COL4A2: variants seen among roughly 807,000 people sequenced by gnomAD.
The protein encoded by COL4A2 is collagen alpha-2(IV) chain.
In COL4A2, 99 loss-of-function variants were observed where a neutral mutation model predicts 200.2. The ratio of observed to expected loss-of-function variants is 0.49; its 90% CI spans 0.42 to 0.58. COL4A2 has a LOEUF of 0.58. COL4A2 is among the 20% of genes least tolerant of loss of function. The pLI, the probability that COL4A2 is intolerant of heterozygous loss-of-function variation, is 0.00. For synonymous variants in COL4A2, 897 were observed against 900.6 expected, an observed-to-expected ratio of 1.00 and a Z score of 0.07; for missense variants, 1,950 against 2,314.1, an observed-to-expected ratio of 0.84 and a Z score of 3.23.
Position 110,430,627 on chromosome 13 carries a change from T to C in COL4A2, c.648+20T>C, listed in dbSNP as rs1441270994. The C allele has an allele frequency of 4.3e-6, 7 of 1,614,118 alleles. No individual in the cohort carries two copies. Among genetic ancestry groups the C allele is most frequent in the Non-Finnish European group, 5.9e-6 (7 of 1,179,958 alleles). ...AGACCAGTAAGTACCTGGACACAGG[T>C]GCCCACTCTGGGACCATCGTCCGGT... On this transcript the variant is annotated intron_variant, in intron 10 of 47. Coordinates refer to ENST00000360467, the MANE Select transcript of COL4A2 (RefSeq NM_001846.4).
intron 29 of COL4A2, among the ~76,000 whole-genome samples, chr13:110,474,907 C>T (rs76309391): frequency 2.4e-4 from 13 of 54,586 alleles, no homozygotes; most frequent in East Asian, 5.6e-4. Context: ...TGCACACTCA[C>T]GATCACACAC....
Position 110,499,361 on chromosome 13 carries a change from A to C in COL4A2, c.3761-2307A>C, listed in dbSNP as rs572049757. Reference sequence around the variant, plus strand: ...CATCCTTCTTCACTGGCGGCAGGAGAGAGAAGTGCTGAGTAAAGGGTGGGG... The same window carrying C: ...CATCCTTCTTCACTGGCGGCAGGAGCGAGAAGTGCTGAGTAAAGGGTGGGG... On this transcript the variant is annotated intron_variant, in intron 40 of 47. Transcript: ENST00000360467. Among the ~76,000 whole-genome samples the C allele has an allele frequency of 2.6e-5, 4 of 152,316 alleles. No individual in the cohort carries two copies. In the East Asian group the frequency reaches 7.7e-4, roughly 29 times the overall value.
At chr13:110,495,615 G>T in intron 40 of COL4A2, 148 bp downstream of exon 40, 1 of 1,030,878 alleles carries the variant, frequency 9.7e-7, no homozygotes, top group South Asian at 1.7e-5. Flanking sequence ...CCTGTTGCAG[G>T]ACCTCTCAGC....
chr13:110,387,368 G>A (rs1878796747), intron 4 of COL4A2, among the ~76,000 whole-genome samples: 1 of 152,272 alleles, frequency 6.6e-6, no homozygotes, highest in Admixed American at 6.5e-5. Flanking sequence ...GCTGCTGGAG[G>A]CCTTGAGAAT....
rs747313370 is a variant in COL4A2 at position 110,512,163 on chromosome 13, G to T, written c.5111G>T (p.Arg1704Leu). The T allele has an allele frequency of 1.2e-6, 2 of 1,612,920 alleles. No homozygotes were observed. Among genetic ancestry groups the T allele is most frequent in the Non-Finnish European group, 1.7e-6 (2 of 1,179,810 alleles). Residue 1704 changes from arginine to leucine, a missense_variant, in exon 48 of 48, where the codon CGC becomes CTC. Coordinates refer to ENST00000360467, the MANE Select transcript of COL4A2 (RefSeq NM_001846.4). The part of the protein sequence containing the change: ...KAGLIRTHIS[R>L]CQVCMKNL ...GGCCTCATCCGCACACACATCAGCC[G>T]CTGCCAGGTGTGCATGAAGAACCTG...
chr13:110,498,798 G>C (rs1443132732), intron 40 of COL4A2, among the ~76,000 whole-genome samples: 1 of 152,192 alleles, frequency 6.6e-6, no homozygotes, highest in Admixed American at 6.5e-5. Flanking sequence ...CATTTGATCT[G>C]TGTGGGACCC....
chr13:110,473,021 C>G lies in COL4A2; in HGVS notation c.2296C>G (p.Pro766Ala). 6.6e-7 allele frequency: 1 copy of G among 1,515,650 alleles called. No individual in the cohort carries two copies. 93.9% of individuals were successfully genotyped at this position (1,515,650 alleles called of 1,614,324 possible). ...CATCGGCCTGCCAGGGCCAGATGGG[C>G]CCCCTGGGGAAAGGGGCCTCCCTGG... ...GPIGLPGPDG[P>A]PGERGLPGEV... Residue 766 changes from proline (P) to alanine (A), a missense_variant, in exon 29 of 48, where the codon CCC (proline) becomes GCC (alanine). By Grantham distance (27) the Pro-to-Ala change is conservative. This residue lies in a region of COL4A2 where 1,385 missense variants were observed against 1,720.5 expected (regional missense o/e 0.80). Coordinates refer to ENST00000360467, the MANE Select transcript of COL4A2 (RefSeq NM_001846.4).
In COL4A2 at chr13:110,508,621, T is replaced by C. The variant is rs1399533014; in HGVS notation, c.4881+400T>C. On this transcript the variant is annotated intron_variant, in intron 47 of 47. Coordinates refer to ENST00000360467, the MANE Select transcript of COL4A2 (RefSeq NM_001846.4). The surrounding 1 kb of genome is among the most constrained non-coding windows in gnomAD (Gnocchi z 6.1). ...TTTAGAATCTATCTGGAACCTAGAATACCCTGAAGAAATACCTATTAACTG... is the reference window on the plus strand; with the variant it reads ...TTTAGAATCTATCTGGAACCTAGAACACCCTGAAGAAATACCTATTAACTG... Among the ~76,000 whole-genome samples, 3 of 152,246 alleles carry C rather than the reference T, an allele frequency of 2.0e-5. No homozygotes were observed. The East Asian group carries it at 5.8e-4, about 29-fold the overall frequency.
intron 4 of COL4A2, among the ~76,000 whole-genome samples, chr13:110,406,746 C>T (rs9559792): frequency 0.11 from 15,986 of 152,006 alleles, 1,286 homozygotes; most frequent in East Asian, 0.36. Context: ...GTTTTTTCTC[C>T]GTCACCTATT....
At position 110,432,060 on chromosome 13, in the gene COL4A2, T is replaced by C. The variant is rs76566615; in HGVS notation, c.649-265T>C. Among the ~76,000 whole-genome samples the C allele has an allele frequency of 0.027, 4,089 of 152,182 alleles. 199 individuals are homozygous for C. The highest frequency in any genetic ancestry group is 0.093 in the African/African-American group (3,875 of 41,494). On this transcript the variant is annotated intron_variant, in intron 10 of 47. Transcript: ENST00000360467. ...GATCAGAACAAACACAGAGAGGACA[T>C]GGGTGAAGTCAAAAGCCCAAACACA... is the stretch of plus-strand genomic sequence containing the variant.
chr13:110,408,791 ACACACACG>A (rs1879680244), intron 4 of COL4A2, among the ~76,000 whole-genome samples: 1 of 46,564 alleles, frequency 2.1e-5, no homozygotes, highest in African/African-American at 8.6e-5. Context: ...ACACGCGTAC[ACACACACG>A]CACACATATA....
chr13:110,383,986 T>C (rs1878589440), intron 4 of COL4A2, among the ~76,000 whole-genome samples: 1 of 152,156 alleles, frequency 6.6e-6, no homozygotes, highest in African/African-American at 2.4e-5. Context: ...CATTGGCAGA[T>C]GATGTACAGA....
Position 110,428,474 on chromosome 13 carries a change from C to G in COL4A2, c.368C>G (p.Pro123Arg). 1 of 1,573,804 alleles carries G rather than the reference C, an allele frequency of 6.4e-7. No homozygotes were observed. Among genetic ancestry groups the G allele is most frequent in the East Asian group, 2.4e-5 (1 of 41,024 alleles). Residue 123 changes from proline (P) to arginine (R), a missense_variant, in exon 7 of 48, where the codon CCG becomes CGG. Pro to Arg is a moderately radical substitution (Grantham distance 103, BLOSUM62 -2). This residue lies in a region of COL4A2 where 565 missense variants were observed against 593.5 expected (regional missense o/e 0.95). Coordinates refer to ENST00000360467, the MANE Select transcript of COL4A2 (RefSeq NM_001846.4). ...CACTGCTCTCTTTCCCAGGGACACC[C>G]GGGGCAAGGTGGGCCCAGGGGAAGG... ...FPGADGIPGH[P>R]GQGGPRGRPG...
intron 18 of COL4A2, among the ~76,000 whole-genome samples, chr13:110,448,361 G>T (rs144946643): frequency 1.3e-5 from 2 of 152,120 alleles, no homozygotes; most frequent in East Asian, 3.9e-4. Flanking sequence ...CTGCAAAGGC[G>T]GGTGCTTTCA....
At chr13:110,371,757 G>A (rs189045886) in intron 4 of COL4A2, among the ~76,000 whole-genome samples, 2 of 152,086 alleles carry the variant, frequency 1.3e-5, no homozygotes, top group Non-Finnish European at 2.9e-5. Context: ...GCGGCGGGCC[G>A]TCTGGGATAT....
At chr13:110,452,828 T>G (rs1467264629) in intron 20 of COL4A2, among the ~76,000 whole-genome samples, 1 of 152,128 alleles carries the variant, frequency 6.6e-6, no homozygotes, top group Non-Finnish European at 1.5e-5. Context: ...AGTGGTATGA[T>G]CTCTGCTCAC....
At chr13:110,453,734 A>G (rs149107138) in intron 20 of COL4A2, among the ~76,000 whole-genome samples, 104 of 152,354 alleles carry the variant, frequency 6.8e-4, no homozygotes, top group African/African-American at 2.4e-3. Flanking sequence ...ATGGCATCAG[A>G]TCAATGTTAG....
intron 3 of COL4A2, among the ~76,000 whole-genome samples, chr13:110,326,481 G>C (rs1232299074): frequency 4.6e-5 from 7 of 152,064 alleles, no homozygotes; most frequent in African/African-American, 1.7e-4. Context: ...ACTGCCCAAA[G>C]TGTTTCAATA....
chr13:110,502,420 G>T (rs1168050361), intron 41 of COL4A2, among the ~76,000 whole-genome samples: 2 of 152,194 alleles, frequency 1.3e-5, no homozygotes, highest in Non-Finnish European at 2.9e-5. Context: ...CGCCTCCCGG[G>T]TTCAAGGAAT....
Sources: allele counts gnomAD v4.1 joint callset (sites outside exome capture counted in the v4.1 genomes callset), GRCh38; gene constraint gnomAD v4.1.1; regional missense constraint gnomAD v4.1.1; non-coding constraint Gnocchi (gnomAD v3.1); transcripts MANE v1.5; gene names NCBI Gene and HGNC (gene_info 2026-07-23, HGNC 2026-07-21).